Variants in COL9A1 observed in about 807,000 individuals in gnomAD.
The protein encoded by COL9A1 is collagen alpha-1(IX) chain.
A neutral mutation model predicts 142.6 loss-of-function variants in COL9A1; 104 were observed. That is an observed-to-expected ratio of 0.73 (90% confidence interval 0.62 to 0.86). COL9A1 has a LOEUF of 0.86. Among genes scored for constraint, COL9A1 ranks in the 40% least tolerant of loss-of-function variants. The pLI is 0.00. For missense variants in COL9A1, 1,210 were observed against 1,176.6 expected, an observed-to-expected ratio of 1.03 and a Z score of -0.42; for synonymous variants, 466 against 396.0, an observed-to-expected ratio of 1.18 and a Z score of -2.10.
Position 70,255,206 on chromosome 6 carries a change from G to T in COL9A1, c.1558-3C>A. ...ATTCCTCTAGCACCTTCAGCCCCCT[G>T]CAGGGAGGAAGAGAAAGAATAGACA... On this transcript the variant is annotated splice_region_variant and splice_polypyrimidine_tract_variant and intron_variant, in intron 22 of 37. Transcript: ENST00000357250. The T allele has an allele frequency of 6.2e-7, 1 of 1,614,138 alleles. No homozygotes were observed. The highest frequency in any genetic ancestry group is 8.5e-7 in the Non-Finnish European group (1 of 1,179,992).
At chr6:70,244,488 T>C (rs1256069573) in intron 28 of COL9A1, among the ~76,000 whole-genome samples, 1 of 152,228 alleles carries the variant, frequency 6.6e-6, no homozygotes, top group Non-Finnish European at 1.5e-5. Context: ...ATTTCTCAAG[T>C]GCATCATGAT....
chr6:70,236,291 C>T (rs376486486), intron 33 of COL9A1, among the ~76,000 whole-genome samples: 1 of 151,930 alleles, frequency 6.6e-6, no homozygotes, highest in East Asian at 1.9e-4. Context: ...CCACTAAAAG[C>T]ATTTAAAAGA....
intron 37 of COL9A1, among the ~76,000 whole-genome samples, chr6:70,224,019 C>T (rs549635014): frequency 6.6e-6 from 1 of 152,144 alleles, no homozygotes; most frequent in South Asian, 2.1e-4. Context: ...GGGGCAAGGA[C>T]TGGCCAAAGG....
chr6:70,301,091 A>G (rs1325228973), intron 2 of COL9A1, among the ~76,000 whole-genome samples: 2 of 152,172 alleles, frequency 1.3e-5, no homozygotes, highest in African/African-American at 4.8e-5. Flanking sequence ...TAATCATGAG[A>G]AGGATTAAAT....
intron 17 of COL9A1, among the ~76,000 whole-genome samples, chr6:70,267,384 G>A (rs1281441324): frequency 2.7e-5 from 4 of 146,720 alleles, no homozygotes; most frequent in African/African-American, 7.6e-5. Flanking sequence ...GTGCAATGGC[G>A]CGACCTCTGC....
rs764624908 is a variant in COL9A1 at position 70,232,594 on chromosome 6, C to T, written c.2492G>A (p.Arg831Lys). Residue 831 changes from arginine to lysine, a missense_variant, in exon 36 of 38, where the codon AGG becomes AAG. By Grantham distance (26) the Arg-to-Lys change is conservative (BLOSUM62 2). Transcript: ENST00000357250. ...IKGPPGALGL[R>K]GPKGDLGEKG... ...GCAAGATGACTTACCTTTAGGTCCC[C>T]TCAAACCAAGAGCACCAGGGGGCCC... The T allele has an allele frequency of 6.2e-7, 1 of 1,613,914 alleles. No individual in the cohort carries two copies. The highest frequency in any genetic ancestry group is 1.7e-5 in the Admixed American group (1 of 60,018).
At chr6:70,252,350 GC>G in intron 26 of COL9A1, 35 bp from the exon 27 acceptor site, 1 of 1,581,498 alleles carries the variant, frequency 6.3e-7, no homozygotes, top group Non-Finnish European at 8.7e-7. Flanking sequence ...AATAACTCAT[GC>G]TGAAGTAAGC....
At chr6:70,227,717 A>G (rs866434556) in intron 36 of COL9A1, among the ~76,000 whole-genome samples, 1 of 152,148 alleles carries the variant, frequency 6.6e-6, no homozygotes, top group South Asian at 2.1e-4. Context: ...CAGCCTTGCC[A>G]TAATAGCAGA....
chr6:70,221,121 A>G (rs1163121624), intron 37 of COL9A1, among the ~76,000 whole-genome samples: 1 of 152,106 alleles, frequency 6.6e-6, no homozygotes, highest in African/African-American at 2.4e-5. Flanking sequence ...ACAAATGAAT[A>G]GCTATGTCAT....
Position 70,254,368 on chromosome 6 carries a change from C to CT in COL9A1, c.1719+107_1719+108insA, listed in dbSNP as rs1562305147. 1.1e-5 allele frequency: 10 copies of CT among 946,540 alleles called. No homozygotes were observed. In the African/African-American group the frequency reaches 1.5e-4, roughly 14 times the overall value. 58.6% of individuals were successfully genotyped at this position (946,540 alleles called of 1,614,324 possible). A position where few individuals can be genotyped will look rare whatever the true frequency, so the allele number is the denominator to read the frequency against. On this transcript the variant is annotated intron_variant, in intron 25 of 37. Coordinates refer to ENST00000357250, the MANE Select transcript of COL9A1 (RefSeq NM_001851.6). ...TTGTAAAAATGTAAAAGTAAAACATCATATCTTCCCCAGAACTTATCAGAT... is the reference window on the plus strand; with the variant it reads ...TTGTAAAAATGTAAAAGTAAAACATCTATATCTTCCCCAGAACTTATCAGAT...
At chr6:70,246,497 A>G (rs1770616880) in intron 28 of COL9A1, among the ~76,000 whole-genome samples, 1 of 152,130 alleles carries the variant, frequency 6.6e-6, no homozygotes, top group South Asian at 2.1e-4. Context: ...CTTTAGAAAT[A>G]TATTGCACTA....
intron 32 of COL9A1, among the ~76,000 whole-genome samples, 196 bp downstream of exon 32, chr6:70,240,493 A>G (rs751450457): frequency 4.5e-4 from 68 of 152,080 alleles, no homozygotes; most frequent in Non-Finnish European, 7.5e-4. Flanking sequence ...CTTGGCTGCA[A>G]TCTTGGGAGA....
intron 10 of COL9A1, chr6:70,280,024 C>T (rs1773043493): frequency 1.4e-6 from 1 of 693,142 alleles, no homozygotes; most frequent in Non-Finnish European, 2.7e-6. Flanking sequence ...TGTAGTGGGT[C>T]ATTATTACAT....
At chr6:70,288,627 A>G (rs926489201) in intron 5 of COL9A1, among the ~76,000 whole-genome samples, 1 of 152,108 alleles carries the variant, frequency 6.6e-6, no homozygotes, top group African/African-American at 2.4e-5. Context: ...TTCCAGCCAC[A>G]CTGGCTGCCA....
intron 37 of COL9A1, among the ~76,000 whole-genome samples, chr6:70,224,081 A>C (rs1391881579): frequency 6.6e-6 from 1 of 152,230 alleles, no homozygotes; most frequent in African/African-American, 2.4e-5. Flanking sequence ...CCCCTGGATC[A>C]GGGGGTCCAC....
rs566685286 is a variant in COL9A1 at position 70,283,152 on chromosome 6, A to G, written c.781-234T>C. On this transcript the variant is annotated intron_variant, in intron 6 of 37. Transcript: ENST00000357250. ...AGCATAGGTGGCACTTCGTCCCTGC[A>G]GAAAAAGCACCCCCGGGAGTAGCGG... 1,011 of 1,520,362 alleles carry G rather than the reference A, an allele frequency of 6.6e-4. 1 individual carries two copies. The highest frequency in any genetic ancestry group is 7.9e-4 in the Non-Finnish European group (901 of 1,137,758). 94.2% of individuals were successfully genotyped at this position (1,520,362 alleles called of 1,614,324 possible).
chr6:70,252,269 C>T lies in COL9A1; in HGVS notation c.1811G>A (p.Gly604Asp), dbSNP rs759260506. Reference sequence around the variant, plus strand: ...GGTAAAATGGTGTCTTACCGGTTTGCCTGAATTTCCCATCTGACCAGGCTT... The same window carrying T: ...GGTAAAATGGTGTCTTACCGGTTTGTCTGAATTTCCCATCTGACCAGGCTT... The part of the protein sequence containing the change: ...PGKPGQMGNS[G>D]KPGQQGPPGE... Residue 604 changes from glycine (G) to aspartate (D), a missense_variant, in exon 27 of 38, where the codon GGC becomes GAC. Coordinates refer to ENST00000357250, the MANE Select transcript of COL9A1 (RefSeq NM_001851.6). The T allele has an allele frequency of 1.9e-6, 3 of 1,614,182 alleles. No individual in the cohort carries two copies. Among genetic ancestry groups the T allele is most frequent in the South Asian group, 2.2e-5 (2 of 91,084 alleles).
At chr6:70,278,281 T>C (rs750601011) in intron 10 of COL9A1, among the ~76,000 whole-genome samples, 17 of 152,224 alleles carry the variant, frequency 1.1e-4, no homozygotes, top group Non-Finnish European at 1.6e-4. Flanking sequence ...TCGTCACTTG[T>C]ATTCGCATGA....
chr6:70,293,358 A>G (rs1204491481), intron 5 of COL9A1, among the ~76,000 whole-genome samples: 1 of 152,176 alleles, frequency 6.6e-6, no homozygotes, highest in Non-Finnish European at 1.5e-5. Context: ...TAACAATTCA[A>G]AATGATAGAA....
Sources: gnomAD v4.1 joint callset for allele counts (sites outside exome capture counted in the v4.1 genomes callset) on GRCh38, gnomAD v4.1.1 for gene constraint, MANE v1.5 for transcripts, NCBI Gene and HGNC (gene_info 2026-07-23, HGNC 2026-07-21) for gene names.